The following RFX6 variants were observed in gnomAD, a reference collection of about 807,000 sequenced individuals.
RFX6 encodes DNA-binding protein RFX6.
In RFX6, 50 loss-of-function variants were observed where a neutral mutation model predicts 110.8. That is an observed-to-expected ratio of 0.45 (90% CI 0.36 to 0.57). The LOEUF is 0.57. Ranked by LOEUF, RFX6 falls within the 20% of genes least tolerant of loss-of-function variation. The pLI is 0.00. For missense variants in RFX6, 990 were observed against 1,127.0 expected, an observed-to-expected ratio of 0.88 and a Z score of 1.74; for synonymous variants, 383 against 411.2, an observed-to-expected ratio of 0.93 and a Z score of 0.83.
chr6:116,890,899 C>G (rs927134382), intron 4 of RFX6, among the ~76,000 whole-genome samples: 1 of 151,690 alleles, frequency 6.6e-6, no homozygotes, highest in African/African-American at 2.4e-5. Context: ...ATAAGGGGGC[C>G]AAATAATATA....
intron 4 of RFX6, among the ~76,000 whole-genome samples, chr6:116,890,755 A>G (rs1223117543): frequency 6.6e-6 from 1 of 152,172 alleles, no homozygotes; most frequent in South Asian, 2.1e-4. Context: ...CTTATACATA[A>G]AATACATACA....
At chr6:116,895,434 G>T (rs749227830) in intron 6 of RFX6, among the ~76,000 whole-genome samples, 1 of 151,970 alleles carries the variant, frequency 6.6e-6, no homozygotes, top group Non-Finnish European at 1.5e-5. Flanking sequence ...TACATTTTTA[G>T]TTATCTTTAC....
In RFX6 at chr6:116,931,365, A is replaced by T. The variant is rs768142345; in HGVS notation, c.2646A>T (p.Ser882=). Residue 882 remains serine, a synonymous_variant, in exon 19 of 19, where the codon TCA becomes TCT. Transcript: ENST00000332958. ...TGCAAACCCCAATTCCTTCTTCCTC[A>T]TCCCAATGTATGTATGGAACTTCCA... ...SSLQTPIPSS[S]SQCMYGTSNQ... 4 of 1,613,320 alleles carry T rather than the reference A, an allele frequency of 2.5e-6. No homozygotes were observed. In the South Asian group the frequency reaches 4.4e-5, roughly 18 times the overall value.
chr6:116,896,153 C>T (rs896603185), intron 6 of RFX6, among the ~76,000 whole-genome samples: 2 of 152,134 alleles, frequency 1.3e-5, no homozygotes, highest in Admixed American at 6.5e-5. Flanking sequence ...AGGGAATTTA[C>T]GTTATTTCTC....
chr6:116,903,714 C>T (rs1230891451), intron 6 of RFX6, among the ~76,000 whole-genome samples: 1 of 152,024 alleles, frequency 6.6e-6, no homozygotes, highest in Non-Finnish European at 1.5e-5. Context: ...CTTGTTTTCC[C>T]TGTGACTTTC....
At chr6:116,914,133 C>A (rs58547193) in intron 7 of RFX6, among the ~76,000 whole-genome samples, 1,697 of 152,296 alleles carry the variant, frequency 0.011, 33 homozygotes, top group African/African-American at 0.039. Context: ...TCGCTACCTT[C>A]ATGAGATCCA....
chr6:116,895,665 C>CAT (rs1774929801), intron 6 of RFX6, among the ~76,000 whole-genome samples: 1 of 151,882 alleles, frequency 6.6e-6, no homozygotes, highest in South Asian at 2.1e-4. Flanking sequence ...CACACACACA[C>CAT]ACACACACAC....
chr6:116,903,148 T>C (rs1775111461), intron 6 of RFX6, among the ~76,000 whole-genome samples: 2 of 152,088 alleles, frequency 1.3e-5, no homozygotes, highest in Non-Finnish European at 2.9e-5. Context: ...TTAAAGATGA[T>C]CACTCCTCTC....
intron 9 of RFX6, among the ~76,000 whole-genome samples, chr6:116,916,791 G>T (rs188241264): frequency 6.6e-6 from 1 of 152,034 alleles, no homozygotes; most frequent in Admixed American, 6.6e-5. Flanking sequence ...GTCTGCAGAA[G>T]GATCTCGAAG....
chr6:116,913,896 G>T (rs1201321824), intron 7 of RFX6, among the ~76,000 whole-genome samples: 1 of 152,168 alleles, frequency 6.6e-6, no homozygotes, highest in Non-Finnish European at 1.5e-5. Flanking sequence ...TTGGGTTACT[G>T]ATCACCTTAA....
intron 4 of RFX6, among the ~76,000 whole-genome samples, chr6:116,892,715 T>C (rs1186485802): frequency 6.6e-6 from 1 of 152,174 alleles, no homozygotes; most frequent in Admixed American, 6.5e-5. Flanking sequence ...ACTAGACCAT[T>C]ATGGAGGTAA....
rs751573067 is a variant in RFX6 at position 116,877,782 on chromosome 6, C to A, written c.224-14C>A. 6.2e-7 allele frequency: 1 copy of A among 1,606,712 alleles called. No individual in the cohort carries two copies. Among genetic ancestry groups the A allele is most frequent in the Non-Finnish European group, 8.5e-7 (1 of 1,175,482 alleles). ...ATTCTATTTTTCTTTATCATCCCTT[C>A]AACTGGCAATCAGAAATGCACTTAA... On this transcript the variant is annotated splice_polypyrimidine_tract_variant and intron_variant, in intron 1 of 18. Transcript: ENST00000332958.
At chr6:116,882,567 CTG>C in intron 4 of RFX6, 139 bp downstream of exon 4, 1 of 439,352 alleles carries the variant, frequency 2.3e-6, no homozygotes, top group Non-Finnish European at 3.9e-6. Flanking sequence ...ACTGTGAGAA[CTG>C]AAAAAAAAAA....
chr6:116,922,009 C>A (rs778313042), intron 12 of RFX6, 33 bp from the exon 13 acceptor site: 2 of 994,524 alleles, frequency 2.0e-6, no homozygotes, highest in East Asian at 2.4e-5. Flanking sequence ...ATTCTGTTTT[C>A]TTTTCTTTCT....
chr6:116,924,438 C>T (rs1041655239), intron 14 of RFX6, among the ~76,000 whole-genome samples: 1 of 152,164 alleles, frequency 6.6e-6, no homozygotes, highest in Non-Finnish European at 1.5e-5. Context: ...CAGGACAGTA[C>T]ACACAGTGAG....
intron 4 of RFX6, chr6:116,884,867 AT>A (rs1477820622): frequency 2.6e-5 from 4 of 151,958 alleles, no homozygotes; most frequent in Admixed American, 2.0e-4. Flanking sequence ...AACAATTTGA[AT>A]TTTTTTCTGC....
At chr6:116,888,409 T>C in intron 4 of RFX6, among the ~76,000 whole-genome samples, 1 of 152,224 alleles carries the variant, frequency 6.6e-6, no homozygotes, top group South Asian at 2.1e-4. Context: ...TTTTCATAAA[T>C]TTTAAATCAG....
chr6:116,887,059 C>A (rs1007964815), intron 4 of RFX6, among the ~76,000 whole-genome samples: 1 of 151,958 alleles, frequency 6.6e-6, no homozygotes, highest in Non-Finnish European at 1.5e-5. Flanking sequence ...GAGACTCCAT[C>A]TCAAAACATA....
chr6:116,929,895 G>A (rs1181426687), intron 18 of RFX6, among the ~76,000 whole-genome samples: 1 of 152,108 alleles, frequency 6.6e-6, no homozygotes, highest in African/African-American at 2.4e-5. Context: ...AATTCAATAG[G>A]AAGTACTCCT....
Sources: allele counts gnomAD v4.1 joint callset (sites outside exome capture counted in the v4.1 genomes callset), GRCh38; gene constraint gnomAD v4.1.1; transcripts MANE v1.5; gene names NCBI Gene and HGNC (gene_info 2026-07-23, HGNC 2026-07-21).